The following CALD1 variants were observed in gnomAD, a reference collection of about 807,000 sequenced individuals.
CALD1 encodes caldesmon 1.
Under a neutral mutation model 99.9 loss-of-function variants are expected in CALD1, and 33 were observed. The observed-to-expected ratio is 0.33, with a 90% confidence interval of 0.25 to 0.44. The LOEUF (loss-of-function observed/expected upper bound fraction) is 0.44. CALD1 is among the 20% of genes least tolerant of loss of function. The pLI is 1.00. For missense variants in CALD1, 861 were observed against 962.1 expected, an observed-to-expected ratio of 0.89 and a Z score of 1.39; for synonymous variants, 310 against 325.0, an observed-to-expected ratio of 0.95 and a Z score of 0.50.
the CALD1 span, among the ~76,000 whole-genome samples, chr7:134,729,489 G>A: frequency 2.1e-4 from 32 of 152,226 alleles, no homozygotes; most frequent in Admixed American, 1.8e-3. Context: ...ACCCATAAAC[G>A]GGAGAAGGGT....
chr7:134,754,662 A>G (rs1187723483), intron 1 of CALD1, among the ~76,000 whole-genome samples: 4 of 152,226 alleles, frequency 2.6e-5, no homozygotes, highest in Non-Finnish European at 2.9e-5. Flanking sequence ...CACATATATC[A>G]TTAGGAAAAT....
intron 7 of CALD1, among the ~76,000 whole-genome samples, chr7:134,946,155 AAT>A (rs375979274): frequency 1.2e-4 from 19 of 152,238 alleles, no homozygotes; most frequent in African/African-American, 3.9e-4. Context: ...AATAACAACT[AAT>A]ATTTATACTG....
intron 3 of CALD1, among the ~76,000 whole-genome samples, chr7:134,897,570 T>C (rs563626070): frequency 6.6e-6 from 1 of 152,208 alleles, no homozygotes; most frequent in Admixed American, 6.5e-5. Flanking sequence ...ACTGAACATA[T>C]CACATGACCT....
intron 12 of CALD1, 136 bp downstream of exon 12, chr7:134,960,247 C>T: frequency 1.0e-6 from 1 of 974,010 alleles, no homozygotes; most frequent in Non-Finnish European, 1.6e-6. Flanking sequence ...GCAATGACCA[C>T]AAAAGCAAGC....
At chr7:134,719,945 C>T in the CALD1 span, among the ~76,000 whole-genome samples, 4 of 152,200 alleles carry the variant, frequency 2.6e-5, no homozygotes, top group South Asian at 8.3e-4. Context: ...GTTTGTATCT[C>T]TGTTTCAACT....
At chr7:134,958,407 ATTTT>A (rs5887717) in intron 11 of CALD1, 117 bp downstream of exon 11, 1,616 of 524,288 alleles carry the variant, frequency 3.1e-3, no homozygotes, top group East Asian at 3.4e-3. Context: ...GAGTGTTAGA[ATTTT>A]TTTTTTTTTT....
chr7:134,871,518 G>A (rs1282092304), intron 3 of CALD1, among the ~76,000 whole-genome samples: 2 of 152,104 alleles, frequency 1.3e-5, no homozygotes, highest in Non-Finnish European at 2.9e-5. Flanking sequence ...TGTGCTTAGT[G>A]CTTTACAACC....
rs58182455 is a variant in CALD1 at position 134,927,551 on chromosome 7, CAAAAAAAAAAA to C, written c.72-1188_72-1178del. ...TGGGTGACAGAGTTAGACTGTGTCTCAAAAAAAAAAAAAAAAAAAAAAAAAGCTAAATAATA... is the reference window on the plus strand; with the variant it reads ...TGGGTGACAGAGTTAGACTGTGTCTCAAAAAAAAAAAAAAGCTAAATAATA... On this transcript the variant is annotated intron_variant, in intron 3 of 14. Coordinates refer to ENST00000361675, the MANE Select transcript of CALD1 (RefSeq NM_033138.4). Among the ~76,000 whole-genome samples, 19 of 40,398 alleles carry C rather than the reference CAAAAAAAAAAA, an allele frequency of 4.7e-4. 1 individual carries two copies. The highest frequency in any genetic ancestry group is 2.9e-3 in the East Asian group (4 of 1,376). 26.5% of individuals were successfully genotyped at this position (40,398 alleles called of 152,430 possible).
intron 1 of CALD1, among the ~76,000 whole-genome samples, chr7:134,770,225 G>A (rs58256230): frequency 0.038 from 5,796 of 152,212 alleles, 336 homozygotes; most frequent in African/African-American, 0.12. Context: ...GTGTTGACTG[G>A]ACTCACCGGC....
chr7:134,947,966 T>G, intron 8 of CALD1, 197 bp downstream of exon 8: 1 of 596,640 alleles, frequency 1.7e-6, no homozygotes, highest in East Asian at 2.9e-5. Flanking sequence ...TAGGTACTAA[T>G]CCCCATTTTA....
intron 1 of CALD1, among the ~76,000 whole-genome samples, chr7:134,767,484 T>C (rs1391351132): frequency 4.6e-5 from 7 of 152,222 alleles, no homozygotes; most frequent in Non-Finnish European, 2.9e-5. Flanking sequence ...ATTTTAAATG[T>C]TTTCTTATTT....
chr7:134,812,328 G>T (rs1484583386), intron 1 of CALD1, among the ~76,000 whole-genome samples: 5 of 152,186 alleles, frequency 3.3e-5, no homozygotes, highest in Admixed American at 3.3e-4. Context: ...GAAGAATGTG[G>T]TTCGAGTTCT....
At chr7:134,851,134 CT>C (rs1252799456) in intron 2 of CALD1, among the ~76,000 whole-genome samples, 1 of 152,100 alleles carries the variant, frequency 6.6e-6, no homozygotes, top group Non-Finnish European at 1.5e-5. Context: ...AATTTTGAGT[CT>C]GAATGCTCAT....
intron 11 of CALD1, among the ~76,000 whole-genome samples, chr7:134,959,544 C>T (rs1584680755): frequency 6.6e-6 from 1 of 152,046 alleles, no homozygotes; most frequent in East Asian, 1.9e-4. Context: ...TAGAGAGAGG[C>T]CTATGGTTCC....
At chr7:134,917,393 G>A (rs1047448936) in intron 3 of CALD1, among the ~76,000 whole-genome samples, 5 of 152,040 alleles carry the variant, frequency 3.3e-5, no homozygotes, top group African/African-American at 1.2e-4. Flanking sequence ...TTGTTGCCCA[G>A]GCCGGAGTGC....
intron 2 of CALD1, among the ~76,000 whole-genome samples, chr7:134,864,945 G>A (rs975796768): frequency 7.2e-5 from 11 of 151,886 alleles, no homozygotes; most frequent in African/African-American, 2.7e-4. Flanking sequence ...AAAACTCTCC[G>A]AGAACGCATC....
intron 3 of CALD1, among the ~76,000 whole-genome samples, chr7:134,887,123 A>C (rs1297336012): frequency 6.6e-6 from 1 of 152,230 alleles, no homozygotes; most frequent in African/African-American, 2.4e-5. Context: ...CAGGCCATGA[A>C]GACGCTGGTG....
chr7:134,753,033 CA>C (rs11312377), intron 1 of CALD1, among the ~76,000 whole-genome samples: 89,906 of 135,594 alleles, frequency 0.66, 29,552 homozygotes, highest in East Asian at 0.98. Flanking sequence ...CAAAAAAAAA[CA>C]AAAAAAAAAA....
chr7:134,913,440 G>A (rs1355250059), intron 3 of CALD1, among the ~76,000 whole-genome samples: 2 of 152,116 alleles, frequency 1.3e-5, no homozygotes, highest in African/African-American at 2.4e-5. Context: ...TACTTTAAAT[G>A]TATCTTTGTT....
Sources: gnomAD v4.1 joint callset for allele counts (sites outside exome capture counted in the v4.1 genomes callset) on GRCh38, gnomAD v4.1.1 for gene constraint, MANE v1.5 for transcripts, NCBI Gene and HGNC (gene_info 2026-07-23, HGNC 2026-07-21) for gene names.